USH2A: variants seen among roughly 807,000 people sequenced by gnomAD.
USH2A encodes Usher syndrome 2A (autosomal recessive, mild).
A neutral mutation model predicts 538.9 loss-of-function variants in USH2A; 443 were observed. The ratio of observed to expected loss-of-function variants is 0.82; its 90% confidence interval spans 0.76 to 0.89. USH2A has a LOEUF of 0.89. USH2A is among the 40% of genes least tolerant of loss of function. USH2A has a pLI of 0.00. For synonymous variants in USH2A, 2,413 were observed against 2,273.5 expected, an observed-to-expected ratio of 1.06 and a Z score of -1.75; for missense variants, 6,633 against 6,324.8, an observed-to-expected ratio of 1.05 and a Z score of -1.65.
At chr1:215,994,361 CAG>C (rs1481592785) in intron 34 of USH2A, among the ~76,000 whole-genome samples, 1 of 152,044 alleles carries the variant, frequency 6.6e-6, no homozygotes, top group Non-Finnish European at 1.5e-5. Flanking sequence ...TCCCCAAAGA[CAG>C]AAGGAAGCTG....
At chr1:216,297,883 G>A (rs1051098217) in intron 9 of USH2A, among the ~76,000 whole-genome samples, 3 of 152,154 alleles carry the variant, frequency 2.0e-5, no homozygotes, top group Non-Finnish European at 4.4e-5. Context: ...GGGACGATAT[G>A]TTCTAATTGG....
At chr1:215,654,725 C>G (rs1212940920) in intron 64 of USH2A, among the ~76,000 whole-genome samples, 2 of 152,160 alleles carry the variant, frequency 1.3e-5, no homozygotes, top group Non-Finnish European at 2.9e-5. Context: ...CTGTAATTAA[C>G]TAGCAAAATG....
chr1:216,147,557 G>A (rs1305830194), intron 21 of USH2A, among the ~76,000 whole-genome samples: 9 of 151,856 alleles, frequency 5.9e-5, no homozygotes, highest in Non-Finnish European at 7.4e-5. Flanking sequence ...TCAAAAGGCC[G>A]TCTTATTCTC....
At chr1:216,071,251 T>C (rs1034131459) in intron 29 of USH2A, among the ~76,000 whole-genome samples, 2 of 152,072 alleles carry the variant, frequency 1.3e-5, no homozygotes, top group Non-Finnish European at 2.9e-5. Context: ...ACCAATAAAG[T>C]AGGACAGCTT....
intron 32 of USH2A, among the ~76,000 whole-genome samples, chr1:216,010,070 A>T (rs1668520765): frequency 6.6e-6 from 1 of 152,106 alleles, no homozygotes; most frequent in Non-Finnish European, 1.5e-5. Context: ...ATTAAATAAA[A>T]CTCCAAAAAT....
chr1:215,847,647 GA>G (rs751187801), intron 44 of USH2A, among the ~76,000 whole-genome samples: 166 of 132,842 alleles, frequency 1.2e-3, no homozygotes, highest in Admixed American at 1.6e-3. Context: ...CATGTCTCAG[GA>G]AAAAAAAAAA....
At chr1:215,716,087 T>A (rs193127177) in intron 61 of USH2A, among the ~76,000 whole-genome samples, 2 of 152,190 alleles carry the variant, frequency 1.3e-5, no homozygotes, top group East Asian at 3.9e-4. Context: ...CCAGATGGTA[T>A]CTCTACAAAT....
chr1:216,356,587 C>A (rs953894588), intron 4 of USH2A, among the ~76,000 whole-genome samples: 24 of 151,990 alleles, frequency 1.6e-4, no homozygotes, highest in Non-Finnish European at 3.1e-4. Flanking sequence ...ACTATACAAT[C>A]TTGTTTGTTT....
chr1:216,209,009 C>T (rs1197067045), intron 15 of USH2A, among the ~76,000 whole-genome samples: 6 of 152,148 alleles, frequency 3.9e-5, no homozygotes, highest in African/African-American at 9.7e-5. Flanking sequence ...ATAAACCGTA[C>T]TTTGTACAAA....
rs1488598823 is a variant in USH2A at position 216,070,265 on chromosome 1, C to T, written c.5885G>A (p.Arg1962Lys). Reference sequence around the variant, plus strand: ...GCTGTATCCATTTAAGCTGCGGACTCTTGAGGGAGTTGGCACACTTTGTGG... The same window carrying T: ...GCTGTATCCATTTAAGCTGCGGACTTTTGAGGGAGTTGGCACACTTTGTGG... ...AAPQSVPTPSRVRSLNGYSIE... is the reference protein window; with the variant it reads ...AAPQSVPTPSKVRSLNGYSIE... The change falls in exon 30 of 72, where the codon AGA (arginine) becomes AAA (lysine). Residue 1962 changes from arginine to lysine, a missense_variant. Arg to Lys is a conservative substitution (Grantham distance 26). Coordinates refer to ENST00000307340, the MANE Select transcript of USH2A (RefSeq NM_206933.4). 4.3e-6 allele frequency: 7 copies of T among 1,613,918 alleles called. No homozygotes were observed. Among genetic ancestry groups the T allele is most frequent in the Non-Finnish European group, 5.9e-6 (7 of 1,179,904 alleles).
At chr1:216,210,228 G>A (rs755489461) in intron 15 of USH2A, among the ~76,000 whole-genome samples, 5 of 150,276 alleles carry the variant, frequency 3.3e-5, no homozygotes, top group Non-Finnish European at 7.4e-5. Flanking sequence ...AATGAGGGTC[G>A]TGATCAACTA....
Position 216,107,537 on chromosome 1 carries a change from T to G in USH2A, c.4628-10324A>C, listed in dbSNP as rs116005483. 5.5e-3 allele frequency among the ~76,000 whole-genome samples: 719 copies of G among 130,796 alleles called. 4 individuals are homozygous for G. Among genetic ancestry groups the G allele is most frequent in the African/African-American group, 0.017 (682 of 39,364 alleles). The allele number at this position is 130,796 out of a possible 152,430, so 85.8% of individuals were successfully genotyped here. A position where few individuals can be genotyped will look rare whatever the true frequency, so the allele number is the denominator to read the frequency against. ...TGAAGTGTGTTTCTTGTACACCCTT[T>G]GTAAGTCTTGCTTATTTAGCCAGTT... On this transcript the variant is annotated intron_variant, in intron 21 of 71. Transcript: ENST00000307340.
chr1:215,707,405 C>T (rs1052686994), intron 61 of USH2A, among the ~76,000 whole-genome samples: 4 of 152,114 alleles, frequency 2.6e-5, no homozygotes, highest in Non-Finnish European at 4.4e-5. Flanking sequence ...TTTTTCTGAG[C>T]TAGATTTCTA....
At chr1:216,148,763 G>C (rs541397004) in intron 21 of USH2A, among the ~76,000 whole-genome samples, 3 of 150,982 alleles carry the variant, frequency 2.0e-5, no homozygotes, top group African/African-American at 7.3e-5. Context: ...CTCAATACCT[G>C]CCTCTACAAC....
rs1655921076 is a variant in USH2A at position 215,624,373 on chromosome 1, T to C, written c.*1408A>G. 1 of 152,130 alleles carries C rather than the reference T, an allele frequency of 6.6e-6. No individual in the cohort carries two copies. The highest frequency in any genetic ancestry group is 1.5e-5 in the Non-Finnish European group (1 of 68,022). The allele number at this position is 152,130 out of a possible 1,614,324, so 9.4% of individuals were successfully genotyped here. ...TGTTGGGCCCTGGGGTAATACATTG[T>C]TTTCAGGCAGAATAAGTAAGACTAT... is the stretch of plus-strand genomic sequence containing the variant. On this transcript the variant is annotated 3_prime_UTR_variant, in exon 72 of 72. Coordinates refer to ENST00000307340, the MANE Select transcript of USH2A (RefSeq NM_206933.4).
intron 21 of USH2A, among the ~76,000 whole-genome samples, chr1:216,098,257 A>G (rs1053180893): frequency 2.6e-5 from 4 of 152,206 alleles, no homozygotes; most frequent in African/African-American, 9.7e-5. Flanking sequence ...AAGAGACACA[A>G]TCTCTGTTTT....
At chr1:215,984,025 G>A (rs1294461240) in intron 35 of USH2A, among the ~76,000 whole-genome samples, 5 of 152,146 alleles carry the variant, frequency 3.3e-5, no homozygotes, top group Admixed American at 3.3e-4. Flanking sequence ...AATGAGTTCT[G>A]AGACTCCATG....
At chr1:215,891,663 T>C (rs1281524191) in intron 40 of USH2A, among the ~76,000 whole-genome samples, 2 of 152,152 alleles carry the variant, frequency 1.3e-5, no homozygotes, top group East Asian at 3.8e-4. Context: ...TTATAAAATT[T>C]TAATGGAATG....
intron 4 of USH2A, among the ~76,000 whole-genome samples, chr1:216,343,655 C>T (rs571599860): frequency 6.6e-6 from 1 of 151,782 alleles, no homozygotes; most frequent in South Asian, 2.1e-4. Flanking sequence ...TGATAACAGC[C>T]TTTCATTATT....
Sources: gnomAD v4.1 joint callset for allele counts (sites outside exome capture counted in the v4.1 genomes callset) on GRCh38, gnomAD v4.1.1 for gene constraint, MANE v1.5 for transcripts, NCBI Gene and HGNC (gene_info 2026-07-23, HGNC 2026-07-21) for gene names.